CSMD3: variants seen among roughly 807,000 people sequenced by gnomAD.
CSMD3 encodes the protein CUB and Sushi multiple domains 3.
A neutral mutation model predicts 435.2 loss-of-function variants in CSMD3; 177 were observed. The ratio of observed to expected loss-of-function variants is 0.41; its 90% CI spans 0.36 to 0.46. CSMD3 has a LOEUF of 0.46. Among genes scored for constraint, CSMD3 ranks in the 20% least tolerant of loss-of-function variants. The pLI is 0.34. For synonymous variants in CSMD3, 1,656 were observed against 1,520.5 expected, an observed-to-expected ratio of 1.09 and a Z score of -2.07; for missense variants, 4,265 against 4,504.6, an observed-to-expected ratio of 0.95 and a Z score of 1.52.
intron 22 of CSMD3, among the ~76,000 whole-genome samples, chr8:112,631,089 T>TA (rs1284541868): frequency 2.0e-5 from 3 of 151,838 alleles, no homozygotes; most frequent in African/African-American, 7.3e-5. Context: ...AGAGAATAGG[T>TA]AAAGGATCCT....
intron 4 of CSMD3, among the ~76,000 whole-genome samples, chr8:113,147,729 G>A (rs576056402): frequency 2.7e-4 from 41 of 151,668 alleles, no homozygotes; most frequent in African/African-American, 9.7e-4. Flanking sequence ...TCTCTGTTTC[G>A]CTTCCGTCAT....
At chr8:112,720,670 C>T (rs974957528) in intron 13 of CSMD3, among the ~76,000 whole-genome samples, 9 of 152,122 alleles carry the variant, frequency 5.9e-5, no homozygotes, top group African/African-American at 2.2e-4. Context: ...ATTGGCTCAA[C>T]AATCATTCAC....
chr8:112,626,244 C>T (rs1586834093), intron 22 of CSMD3, among the ~76,000 whole-genome samples: 1 of 152,054 alleles, frequency 6.6e-6, no homozygotes, highest in Non-Finnish European at 1.5e-5. Context: ...TCAACCGAAG[C>T]CCACCCCTGT....
At chr8:112,666,255 G>A (rs374037263) in intron 17 of CSMD3, 22 bp downstream of exon 17, 1 of 1,575,638 alleles carries the variant, frequency 6.3e-7, no homozygotes, top group South Asian at 1.1e-5. Context: ...TTCTTTAAAA[G>A]TAGGAAAAAT....
intron 24 of CSMD3, among the ~76,000 whole-genome samples, chr8:112,562,289 T>C (rs952482269): frequency 4.6e-5 from 7 of 151,720 alleles, no homozygotes; most frequent in Admixed American, 2.6e-4. Context: ...ATAATTTACA[T>C]CATTTAAAAA....
intron 27 of CSMD3, among the ~76,000 whole-genome samples, chr8:112,549,759 C>A (rs979836212): frequency 1.3e-5 from 2 of 151,948 alleles, no homozygotes; most frequent in African/African-American, 4.8e-5. Flanking sequence ...ATGAGATGAG[C>A]ATTGTTATTC....
rs537808919 is a variant in CSMD3, at chr8:112,379,465, G to A, written c.6136+887C>T. 2.6e-5 allele frequency among the ~76,000 whole-genome samples: 4 copies of A among 152,082 alleles called. 1 individual carries two copies. The highest frequency in any genetic ancestry group is 9.6e-5 in the African/African-American group (4 of 41,466). On this transcript the variant is annotated intron_variant, in intron 38 of 70. Coordinates refer to ENST00000297405, the MANE Select transcript of CSMD3 (RefSeq NM_198123.2). ...GCCTGGGCAACAAGAGTGAAACTCCGTCTCAAACAAAAACCAAAAAACCTG... is the reference window on the plus strand; with the variant it reads ...GCCTGGGCAACAAGAGTGAAACTCCATCTCAAACAAAAACCAAAAAACCTG...
chr8:113,268,678 C>T (rs893432070), intron 3 of CSMD3, among the ~76,000 whole-genome samples: 11 of 151,966 alleles, frequency 7.2e-5, no homozygotes, highest in Admixed American at 6.6e-4. Flanking sequence ...CTAAAGAAGG[C>T]TAAAATACAC....
chr8:112,233,094 T>C (rs923425119), intron 68 of CSMD3, among the ~76,000 whole-genome samples: 1 of 152,224 alleles, frequency 6.6e-6, no homozygotes, highest in Non-Finnish European at 1.5e-5. Context: ...ATACTTTATA[T>C]GCATAATGTA....
At chr8:112,524,337 TAA>T (rs971675304) in intron 27 of CSMD3, among the ~76,000 whole-genome samples, 5 of 141,666 alleles carry the variant, frequency 3.5e-5, no homozygotes, top group African/African-American at 5.2e-5. Context: ...TATTAGTAAG[TAA>T]AAAAAAAAAA....
intron 3 of CSMD3, among the ~76,000 whole-genome samples, chr8:113,183,281 T>A (rs2092449574): frequency 6.6e-6 from 1 of 152,066 alleles, no homozygotes; most frequent in Non-Finnish European, 1.5e-5. Flanking sequence ...GCTTGAAAAT[T>A]GACTTGGGGA....
chr8:113,224,888 C>A (rs1482635649), intron 3 of CSMD3, among the ~76,000 whole-genome samples: 2 of 150,950 alleles, frequency 1.3e-5, no homozygotes, highest in Non-Finnish European at 3.0e-5. Context: ...AATGGGGATT[C>A]ATTTGCTTAT....
intron 31 of CSMD3, among the ~76,000 whole-genome samples, chr8:112,490,336 T>A (rs1234067429): frequency 1.3e-5 from 2 of 152,186 alleles, no homozygotes; most frequent in South Asian, 4.1e-4. Context: ...TCTGTAGATA[T>A]GAACTATTCA....
intron 20 of CSMD3, among the ~76,000 whole-genome samples, chr8:112,641,108 T>G (rs1477239103): frequency 6.6e-6 from 1 of 152,150 alleles, no homozygotes; most frequent in Non-Finnish European, 1.5e-5. Context: ...GTAAATGACT[T>G]CGCACAGTGA....
intron 9 of CSMD3, among the ~76,000 whole-genome samples, chr8:112,924,422 A>G (rs1043470475): frequency 1.3e-5 from 2 of 152,100 alleles, no homozygotes; most frequent in African/African-American, 2.4e-5. Context: ...TTTCTCACTA[A>G]CATAATAAAT....
At chr8:112,288,878 A>T (rs1819490556) in intron 57 of CSMD3, among the ~76,000 whole-genome samples, 2 of 152,140 alleles carry the variant, frequency 1.3e-5, no homozygotes, top group South Asian at 4.1e-4. Flanking sequence ...AAAATGAATT[A>T]GATTAGTTCA....
At chr8:112,722,115 T>A (rs1413234282) in intron 13 of CSMD3, among the ~76,000 whole-genome samples, 1 of 150,652 alleles carries the variant, frequency 6.6e-6, no homozygotes, top group Non-Finnish European at 1.5e-5. Context: ...CACACAATAA[T>A]ACATCATCAG....
At chr8:112,578,991 A>G (rs1830145514) in intron 23 of CSMD3, among the ~76,000 whole-genome samples, 1 of 152,066 alleles carries the variant, frequency 6.6e-6, no homozygotes, top group Non-Finnish European at 1.5e-5. Context: ...TGATTTTTAC[A>G]GAATGCTTTT....
At chr8:112,889,293 T>C (rs2081707283) in intron 10 of CSMD3, among the ~76,000 whole-genome samples, 1 of 151,664 alleles carries the variant, frequency 6.6e-6, no homozygotes, top group Admixed American at 6.6e-5. Flanking sequence ...GTGCCATTCA[T>C]TGCCTCTGGA....
Sources: gnomAD v4.1 joint callset for allele counts (sites outside exome capture counted in the v4.1 genomes callset) on GRCh38, gnomAD v4.1.1 for gene constraint, MANE v1.5 for transcripts, NCBI Gene and HGNC (gene_info 2026-07-23, HGNC 2026-07-21) for gene names.